Variants in FANCA observed in about 807,000 individuals in gnomAD.
FANCA encodes the protein FA complementation group A, also known as Fanconi anemia group A protein.
FANCA carries 236 observed loss-of-function variants against 194.3 expected under a neutral mutation model. That is an observed-to-expected ratio of 1.21 (90% CI 1.09 to 1.35). The LOEUF (loss-of-function observed/expected upper bound fraction) is 1.35. Ranked by LOEUF, FANCA falls within the 40% of genes most tolerant of loss-of-function variation. FANCA has a pLI of 0.00. For missense variants in FANCA, 2,628 were observed against 1,813.9 expected (o/e 1.45, Z -8.15); for synonymous variants, 1,014 against 715.8 (o/e 1.42, Z -6.65).
chr16:89,805,999 G>A (rs2040626777), intron 6 of FANCA, among the ~76,000 whole-genome samples: 2 of 151,352 alleles, frequency 1.3e-5, no homozygotes, highest in South Asian at 2.1e-4. Flanking sequence ...TACAACCTCC[G>A]CCTCCCAAGT....
At chr16:89,801,142 G>A (rs1032236618) in intron 8 of FANCA, among the ~76,000 whole-genome samples, 5 of 151,080 alleles carry the variant, frequency 3.3e-5, no homozygotes, top group African/African-American at 4.9e-5. Flanking sequence ...TCAGAAGTTC[G>A]AGACCAGCCT....
intron 14 of FANCA, among the ~76,000 whole-genome samples, chr16:89,790,532 C>A (rs935734822): frequency 1.3e-5 from 2 of 151,940 alleles, no homozygotes; most frequent in African/African-American, 4.8e-5. Flanking sequence ...AGTTAGAGAC[C>A]AGCCTGACCA....
chr16:89,807,580 T>C (rs1419847922), intron 6 of FANCA, among the ~76,000 whole-genome samples: 3 of 151,968 alleles, frequency 2.0e-5, no homozygotes, highest in South Asian at 4.2e-4. Context: ...CGAAACCACA[T>C]CTCTACTAAA....
At chr16:89,777,026 A>G (rs151278111) in intron 20 of FANCA, among the ~76,000 whole-genome samples, 21 of 152,260 alleles carry the variant, frequency 1.4e-4, no homozygotes, top group African/African-American at 5.1e-4. Context: ...CCTGGGCAAC[A>G]CAGCGAAAAT....
At chr16:89,767,087 G>T in intron 27 of FANCA, 54 bp downstream of exon 27, 2 of 1,419,150 alleles carry the variant, frequency 1.4e-6, no homozygotes, top group South Asian at 1.1e-5. Flanking sequence ...TCCGAAAGCT[G>T]CGTAAACCTG....
chr16:89,766,508 G>C (rs552277905), intron 27 of FANCA, among the ~76,000 whole-genome samples: 2 of 151,422 alleles, frequency 1.3e-5, no homozygotes, highest in African/African-American at 4.8e-5. Context: ...TCAGGAGTTC[G>C]AAAACAGCCT....
intron 17 of FANCA, among the ~76,000 whole-genome samples, chr16:89,780,908 C>T (rs1238391939): frequency 7.1e-6 from 1 of 140,578 alleles, no homozygotes; most frequent in Non-Finnish European, 1.5e-5. Context: ...TCAGCCTGGT[C>T]AACAGAACAA....
chr16:89,787,781 A>G (rs1312984584), intron 14 of FANCA, among the ~76,000 whole-genome samples: 1 of 152,054 alleles, frequency 6.6e-6, no homozygotes, highest in Non-Finnish European at 1.5e-5. Context: ...TTAACTACAT[A>G]ATGTGATATG....
rs370594051 is a variant in FANCA, at chr16:89,785,853, G to GTTTTTTTTTTTTTTTTTTTTTTTTTT, written c.1360-890_1360-889insAAAAAAAAAAAAAAAAAAAAAAAAAA. ...TCTTTCTGAAAGCGTGCAAAATTGT[G>GTTTTTTTTTTTTTTTTTTTTTTTTTT]TTTTGTTTTTTTTTTTTTGGAGACA... is the stretch of plus-strand genomic sequence containing the variant. On this transcript the variant is annotated intron_variant, in intron 14 of 42. Transcript: ENST00000389301. Among the ~76,000 whole-genome samples, 2 of 113,166 alleles carry GTTTTTTTTTTTTTTTTTTTTTTTTTT rather than the reference G, an allele frequency of 1.8e-5. 1 individual carries two copies. The highest frequency in any genetic ancestry group is 3.4e-5 in the Non-Finnish European group (2 of 58,696). The allele number at this position is 113,166 out of a possible 152,430, so 74.2% of individuals were successfully genotyped here.
Position 89,782,286 on chromosome 16 carries a change from C to T in FANCA, c.1626+573G>A, listed in dbSNP as rs145682833. On this transcript the variant is annotated intron_variant, in intron 17 of 42. Coordinates refer to ENST00000389301, the MANE Select transcript of FANCA (RefSeq NM_000135.4). ...CAGCACTTTGAGAGGCCAAGGCGGG[C>T]GGATCACAAGGTCAGGAGATTGAGA... is the stretch of plus-strand genomic sequence containing the variant. Among the ~76,000 whole-genome samples, 1,196 of 151,492 alleles carry T rather than the reference C, an allele frequency of 7.9e-3. 18 individuals are homozygous for T. The highest frequency in any genetic ancestry group is 0.028 in the African/African-American group (1,139 of 41,290).
intron 27 of FANCA, among the ~76,000 whole-genome samples, 156 bp downstream of exon 27, chr16:89,766,985 G>A (rs1023490684): frequency 6.6e-6 from 1 of 151,770 alleles, no homozygotes; most frequent in Non-Finnish European, 1.5e-5. Context: ...ATGACAGCCA[G>A]CCTGACTCAG....
At chr16:89,786,961 T>A (rs2039918212) in intron 14 of FANCA, among the ~76,000 whole-genome samples, 1 of 152,174 alleles carries the variant, frequency 6.6e-6, no homozygotes, top group African/African-American at 2.4e-5. Flanking sequence ...CAACGTTCAC[T>A]CAATTAACAG....
chr16:89,797,012 T>C (rs545730920), intron 10 of FANCA, among the ~76,000 whole-genome samples: 1 of 151,808 alleles, frequency 6.6e-6, no homozygotes, highest in South Asian at 2.1e-4. Flanking sequence ...TAGAAAAAAT[T>C]AGCCGGGCAT....
intron 9 of FANCA, 112 bp from the exon 10 acceptor site, chr16:89,799,344 C>T (rs935487647): frequency 8.1e-7 from 1 of 1,228,728 alleles, no homozygotes; most frequent in East Asian, 2.4e-5. Context: ...CCCAGAGGGC[C>T]CACATCCATC....
Position 89,791,504 on chromosome 16 carries a change from C to T in FANCA, c.1258G>A (p.Glu420Lys), listed in dbSNP as rs760352719. ...WVARLMAQAF[E>K]SCQLDSMVTA... ...ACCATGCTGTCCAGCTGGCAGCTCT[C>T]GAATGCCTGGGCCATCAAACGCGCC... The change falls in exon 14 of 43, where the codon GAG (glutamate) becomes AAG (lysine). Residue 420 changes from glutamate (E) to lysine (K), a missense_variant. Physicochemically the swap from Glu to Lys is moderately conservative, Grantham distance 56. Coordinates refer to ENST00000389301, the MANE Select transcript of FANCA (RefSeq NM_000135.4). 1.9e-6 allele frequency: 3 copies of T among 1,613,998 alleles called. No individual in the cohort carries two copies. Among genetic ancestry groups the T allele is most frequent in the African/African-American group, 2.7e-5 (2 of 74,926 alleles).
Position 89,810,940 on chromosome 16 carries a change from C to T in FANCA, c.415G>A (p.Val139Met), listed in dbSNP as rs2040853696. ...AETSHPVLLT[V>M]EQRKKLSSLL... Reference sequence around the variant, plus strand: ...TGCTGGTGTCTTACTCTCTGCTCCACAGTCAGCAGCACAGGGTGACTGGTC... The same window carrying T: ...TGCTGGTGTCTTACTCTCTGCTCCATAGTCAGCAGCACAGGGTGACTGGTC... The change falls in exon 4 of 43, where the codon GTG becomes ATG. Residue 139 changes from valine (V) to methionine (M), a missense_variant. Transcript: ENST00000389301. 6.2e-7 allele frequency: 1 copy of T among 1,614,056 alleles called. No individual in the cohort carries two copies. The highest frequency in any genetic ancestry group is 1.3e-5 in the African/African-American group (1 of 74,950).
chr16:89,814,402 C>A, intron 3 of FANCA, 118 bp downstream of exon 3: 1 of 728,270 alleles, frequency 1.4e-6, no homozygotes, highest in Non-Finnish European at 2.3e-6. Flanking sequence ...CGACTACACA[C>A]ACCAGTGGAA....
chr16:89,747,058 C>T (rs1238520583), intron 33 of FANCA, among the ~76,000 whole-genome samples, 168 bp from the exon 34 acceptor site: 1 of 152,190 alleles, frequency 6.6e-6, no homozygotes, highest in Admixed American at 6.5e-5. Flanking sequence ...CCTGGCTGTG[C>T]TGTCCTGAAA....
In FANCA at chr16:89,767,101, C is replaced by T. The variant is rs750775612; in HGVS notation, c.2601+40G>A. On this transcript the variant is annotated intron_variant, in intron 27 of 42. Coordinates refer to ENST00000389301, the MANE Select transcript of FANCA (RefSeq NM_000135.4). ...GTCCGAAAGCTGCGTAAACCTGAAA[C>T]GTATGGCAGAATGGAAAAATAGGAA... The T allele has an allele frequency of 1.3e-5, 19 of 1,497,796 alleles. No individual in the cohort carries two copies. In the East Asian group the frequency reaches 2.7e-4, roughly 21 times the overall value. 92.8% of individuals were successfully genotyped at this position (1,497,796 alleles called of 1,614,324 possible).
Sources: allele counts gnomAD v4.1 joint callset (sites outside exome capture counted in the v4.1 genomes callset), GRCh38; gene constraint gnomAD v4.1.1; transcripts MANE v1.5; gene names NCBI Gene and HGNC (gene_info 2026-07-23, HGNC 2026-07-21).